Variants in SAMD8 observed in about 807,000 individuals in gnomAD.
SAMD8 encodes the protein sterile alpha motif domain containing 8, also known as sphingomyelin synthase-related protein 1.
SAMD8 carries 20 observed loss-of-function variants against 42.0 expected under a neutral mutation model. That is an observed-to-expected ratio of 0.48 (90% CI 0.34 to 0.69). SAMD8 has a LOEUF of 0.69. SAMD8 is among the 30% of genes least tolerant of loss of function. SAMD8 has a pLI of 0.01. For missense variants in SAMD8, 328 were observed against 511.6 expected, an observed-to-expected ratio of 0.64 and a Z score of 3.46; for synonymous variants, 162 against 173.0, an observed-to-expected ratio of 0.94 and a Z score of 0.50.
chr10:75,123,716 G>A (rs1348927081), intron 1 of SAMD8, among the ~76,000 whole-genome samples: 1 of 150,982 alleles, frequency 6.6e-6, no homozygotes, highest in South Asian at 2.1e-4. Context: ...TTTTTGAGGT[G>A]GAGTCTCACT....
At chr10:75,160,348 C>T (rs1324842985) in intron 2 of SAMD8, among the ~76,000 whole-genome samples, 1 of 150,984 alleles carries the variant, frequency 6.6e-6, no homozygotes, top group Non-Finnish European at 1.5e-5. Context: ...AGGCGCCCGC[C>T]ACCACGCCAG....
At chr10:75,165,683 A>C (rs1374962553) in intron 3 of SAMD8, among the ~76,000 whole-genome samples, 2 of 151,476 alleles carry the variant, frequency 1.3e-5, no homozygotes. Flanking sequence ...AAAAAAAAAA[A>C]AAAGATTATT....
intron 1 of SAMD8, among the ~76,000 whole-genome samples, chr10:75,137,686 A>C (rs1839922595): frequency 6.6e-6 from 1 of 152,190 alleles, no homozygotes; most frequent in South Asian, 2.1e-4. Context: ...TAACAACAGA[A>C]TATAGATTAG....
At chr10:75,131,319 C>T (rs955756808) in intron 1 of SAMD8, among the ~76,000 whole-genome samples, 1 of 152,200 alleles carries the variant, frequency 6.6e-6, no homozygotes, top group African/African-American at 2.4e-5. Flanking sequence ...TTGCACACAT[C>T]TTATTTCATC....
chr10:75,170,341 A>G (rs12240719), intron 4 of SAMD8, among the ~76,000 whole-genome samples: 28,772 of 152,106 alleles, frequency 0.19, 2,986 homozygotes, highest in East Asian at 0.26. Flanking sequence ...TTGTACTGCA[A>G]TATCATAGCT....
chr10:75,107,943 T>A, upstream of SAMD8: 1 of 1,551,946 alleles, frequency 6.4e-7, no homozygotes, highest in Non-Finnish European at 8.7e-7. Flanking sequence ...TGAGGCATCC[T>A]CCCCATGAAT....
At chr10:75,156,306 G>A (rs1046304747) in intron 2 of SAMD8, among the ~76,000 whole-genome samples, 1 of 152,124 alleles carries the variant, frequency 6.6e-6, no homozygotes, top group Non-Finnish European at 1.5e-5. Flanking sequence ...AAAATTGTGG[G>A]GTGAGAGGGG....
chr10:75,111,804 C>T (rs1361920082), intron 1 of SAMD8, 82 bp downstream of exon 1: 26 of 1,228,980 alleles, frequency 2.1e-5, no homozygotes, highest in African/African-American at 3.1e-5. Context: ...GGGATGGAGC[C>T]GGGGGCTGCC....
chr10:75,153,833 C>T (rs1840350699), intron 2 of SAMD8, among the ~76,000 whole-genome samples: 1 of 151,148 alleles, frequency 6.6e-6, no homozygotes, highest in Admixed American at 6.6e-5. Flanking sequence ...GACACAATCT[C>T]GGCTCACTGC....
intron 3 of SAMD8, among the ~76,000 whole-genome samples, chr10:75,166,397 TA>T (rs34669331): frequency 0.017 from 2,405 of 145,306 alleles, 57 homozygotes; most frequent in African/African-American, 0.051. Context: ...TGAGATTGCT[TA>T]AAAAAAAAAA....
Position 75,122,824 on chromosome 10 carries a change from G to A in SAMD8, c.-16+11102G>A, listed in dbSNP as rs536795551. 8.5e-5 allele frequency among the ~76,000 whole-genome samples: 13 copies of A among 152,112 alleles called. No homozygotes were observed. In the East Asian group the frequency reaches 1.2e-3, roughly 14 times the overall value. On this transcript the variant is annotated intron_variant, in intron 1 of 5. Coordinates refer to ENST00000542569, the MANE Select transcript of SAMD8 (RefSeq NM_001174156.2). ...ATTTGTATTATAAATGGGTATTTGCGATAAAAATTTTGTTAGATGCTTTTT... is the reference window on the plus strand; with the variant it reads ...ATTTGTATTATAAATGGGTATTTGCAATAAAAATTTTGTTAGATGCTTTTT...
At chr10:75,139,672 T>G (rs1367355304) in intron 1 of SAMD8, among the ~76,000 whole-genome samples, 9 of 152,216 alleles carry the variant, frequency 5.9e-5, no homozygotes, top group Non-Finnish European at 5.9e-5. Flanking sequence ...TTTCAAATTT[T>G]CTGTTCTTCA....
chr10:75,161,065 C>T (rs926126204), intron 2 of SAMD8, among the ~76,000 whole-genome samples: 2 of 151,574 alleles, frequency 1.3e-5, no homozygotes, highest in African/African-American at 2.4e-5. Context: ...GAGACCCTGT[C>T]TCAAAAAAAA....
rs1354217323 is a variant in SAMD8, at chr10:75,160,249, T to C, written c.579-4396T>C. ...TCTTGCTCTGTCGCCCAGGCTGGAGTGCAGTGGCGCGATCTCGGCTCACTG... is the reference window on the plus strand; with the variant it reads ...TCTTGCTCTGTCGCCCAGGCTGGAGCGCAGTGGCGCGATCTCGGCTCACTG... On this transcript the variant is annotated intron_variant, in intron 2 of 5. Coordinates refer to ENST00000542569, the MANE Select transcript of SAMD8 (RefSeq NM_001174156.2). Among the ~76,000 whole-genome samples, 6 of 151,976 alleles carry C rather than the reference T, an allele frequency of 3.9e-5. No homozygotes were observed. In the South Asian group the frequency reaches 1.0e-3, roughly 26 times the overall value.
At chr10:75,134,373 G>A (rs1196624135) in intron 1 of SAMD8, among the ~76,000 whole-genome samples, 2 of 152,202 alleles carry the variant, frequency 1.3e-5, no homozygotes, top group African/African-American at 2.4e-5. Context: ...AGTGGCTCAT[G>A]CCTGTAATCC....
intron 1 of SAMD8, among the ~76,000 whole-genome samples, chr10:75,117,106 G>A (rs1273965724): frequency 2.6e-5 from 4 of 151,948 alleles, no homozygotes; most frequent in South Asian, 2.1e-4. Context: ...ACCGCAGCCT[G>A]CCAGTGTAGC....
rs181883943 is a variant in SAMD8 at position 75,103,706 on chromosome 10, G to A, written c.-16+3978G>A. On this transcript the variant is annotated intron_variant, in intron 1 of 3. Transcript: ENST00000447533. ...GTCTCTGAGGTCTGAGCTCCAGGGA[G>A]CTAAGGCTCAGCCCCTCCTGGGGCT... 5.7e-3 allele frequency among the ~76,000 whole-genome samples: 872 copies of A among 152,340 alleles called. 9 individuals are homozygous for A. Among genetic ancestry groups the A allele is most frequent in the Non-Finnish European group, 9.3e-3 (635 of 68,020 alleles).
In SAMD8 at chr10:75,150,847, A is replaced by G. The variant is rs1417704821; in HGVS notation, c.319A>G (p.Thr107Ala). Reference sequence around the variant, plus strand: ...CCCTTTCATCAGTGCTCTTCAGAGTACAGACTGGCTCTGTAATGGGGAGCT... The same window carrying G: ...CCCTTTCATCAGTGCTCTTCAGAGTGCAGACTGGCTCTGTAATGGGGAGCT... ...MTPFISALQSTDWLCNGELSH... is the reference protein window; with the variant it reads ...MTPFISALQSADWLCNGELSH... The change falls in exon 2 of 6, where the codon ACA (threonine) becomes GCA (alanine). Residue 107 changes from threonine (T) to alanine (A), a missense_variant. Thr to Ala is a moderately conservative substitution (Grantham distance 58). This residue lies in a region of SAMD8 where 150 missense variants were observed against 186.0 expected (regional missense o/e 0.81). Transcript: ENST00000542569. 1.9e-6 allele frequency: 3 copies of G among 1,613,970 alleles called. No individual in the cohort carries two copies. The highest frequency in any genetic ancestry group is 2.5e-6 in the Non-Finnish European group (3 of 1,179,996).
intron 1 of SAMD8, chr10:75,105,749 G>A (rs997719084): frequency 1.0e-5 from 16 of 1,554,114 alleles, no homozygotes; most frequent in African/African-American, 2.7e-5. Flanking sequence ...AAGACCCATC[G>A]GTGCTGCCTC....
Sources: gnomAD v4.1 joint callset for allele counts (sites outside exome capture counted in the v4.1 genomes callset) on GRCh38, gnomAD v4.1.1 for gene constraint, gnomAD v4.1.1 regional missense constraint, MANE v1.5 for transcripts, NCBI Gene and HGNC (gene_info 2026-07-23, HGNC 2026-07-21) for gene names.